The following ZNF804B variants were observed in gnomAD, a reference collection of about 807,000 sequenced individuals.
ZNF804B encodes zinc finger 804B.
In ZNF804B, 80 loss-of-function variants were observed where a neutral mutation model predicts 101.4. That is an observed-to-expected ratio of 0.79 (90% CI 0.66 to 0.95). The LOEUF (loss-of-function observed/expected upper bound fraction) is 0.95, where lower values mean the gene tolerates loss of function less well. Ranked by LOEUF, ZNF804B falls within the 40% of genes least tolerant of loss-of-function variation. The pLI, the probability that ZNF804B is intolerant of heterozygous loss-of-function variation, is 0.00. For missense variants in ZNF804B, 1,673 were observed against 1,561.9 expected (o/e 1.07, Z -1.20); for synonymous variants, 622 against 558.8 (o/e 1.11, Z -1.59).
intron 2 of ZNF804B, among the ~76,000 whole-genome samples, chr7:89,267,145 A>T (rs1789809005): frequency 6.6e-6 from 1 of 152,036 alleles, no homozygotes; most frequent in Non-Finnish European, 1.5e-5. Context: ...TCATTTGTTG[A>T]TATTGATCCT....
intron 1 of ZNF804B, among the ~76,000 whole-genome samples, chr7:89,028,747 G>A (rs1788786394): frequency 6.6e-6 from 1 of 152,056 alleles, no homozygotes; most frequent in Non-Finnish European, 1.5e-5. Flanking sequence ...TTGTTCTTCA[G>A]CTTCCTTACT....
chr7:88,945,072 T>C (rs942108879), intron 1 of ZNF804B, among the ~76,000 whole-genome samples: 3 of 151,852 alleles, frequency 2.0e-5, no homozygotes, highest in African/African-American at 7.2e-5. Flanking sequence ...TTCTTTTCCT[T>C]TGTGGAAGCT....
chr7:89,286,163 T>C (rs1433133430), intron 2 of ZNF804B, among the ~76,000 whole-genome samples: 1 of 152,190 alleles, frequency 6.6e-6, no homozygotes, highest in Non-Finnish European at 1.5e-5. Context: ...CTGCTTGTCC[T>C]CAAATACAGT....
Position 88,794,593 on chromosome 7 carries a change from T to C in ZNF804B, c.108+34509T>C, listed in dbSNP as rs775402208. Reference sequence around the variant, plus strand: ...AAAAAATACTGTTTCATCTTTGACATGGCCAATATAATCTAAAAGAACTTT... The same window carrying C: ...AAAAAATACTGTTTCATCTTTGACACGGCCAATATAATCTAAAAGAACTTT... On this transcript the variant is annotated intron_variant, in intron 1 of 3. Coordinates refer to ENST00000333190, the MANE Select transcript of ZNF804B (RefSeq NM_181646.5). 5.0e-6 allele frequency: 8 copies of C among 1,613,526 alleles called. No individual in the cohort carries two copies. The African/African-American group carries it at 8.0e-5, about 16-fold the overall frequency.
chr7:89,196,783 A>C (rs1234214971), intron 1 of ZNF804B, among the ~76,000 whole-genome samples: 2 of 151,064 alleles, frequency 1.3e-5, no homozygotes, highest in Admixed American at 6.6e-5. Flanking sequence ...AACAGGAAAA[A>C]AACCCTATTA....
chr7:89,209,694 T>C (rs956630214), intron 1 of ZNF804B, among the ~76,000 whole-genome samples: 1 of 152,238 alleles, frequency 6.6e-6, no homozygotes, highest in African/African-American at 2.4e-5. Context: ...TGAATTGTGT[T>C]GCCAGGGTAG....
At chr7:89,221,257 C>T (rs145695957) in intron 2 of ZNF804B, among the ~76,000 whole-genome samples, 2,428 of 151,900 alleles carry the variant, frequency 0.016, 53 homozygotes, top group African/African-American at 0.055. Flanking sequence ...AGATAGATTA[C>T]GTCTGTAAAG....
intron 1 of ZNF804B, among the ~76,000 whole-genome samples, chr7:89,018,560 C>T (rs533882601): frequency 3.4e-4 from 52 of 152,040 alleles, no homozygotes; most frequent in African/African-American, 1.2e-3. Context: ...AGAATTCCTT[C>T]CCCTTCAATT....
chr7:89,290,210 A>G (rs540020395), intron 2 of ZNF804B, among the ~76,000 whole-genome samples: 2 of 152,306 alleles, frequency 1.3e-5, no homozygotes, highest in South Asian at 4.1e-4. Flanking sequence ...AACAGGCAGC[A>G]ATACCCAGTT....
intron 1 of ZNF804B, among the ~76,000 whole-genome samples, chr7:88,990,120 T>A (rs1304956004): frequency 2.0e-5 from 3 of 151,858 alleles, no homozygotes; most frequent in Non-Finnish European, 4.4e-5. Flanking sequence ...GATGATACTA[T>A]GTATATAATT....
At chr7:88,964,660 A>G (rs537817549) in intron 1 of ZNF804B, among the ~76,000 whole-genome samples, 7 of 151,636 alleles carry the variant, frequency 4.6e-5, no homozygotes, top group African/African-American at 1.4e-4. Flanking sequence ...AAACTTAACA[A>G]CAGTTAAATG....
chr7:88,978,945 T>A (rs1292669716), intron 1 of ZNF804B, among the ~76,000 whole-genome samples: 2 of 151,808 alleles, frequency 1.3e-5, no homozygotes, highest in African/African-American at 4.8e-5. Context: ...CATTGTGGGT[T>A]TTAAATTTGA....
chr7:89,287,044 T>G (rs932551590), intron 2 of ZNF804B, among the ~76,000 whole-genome samples: 4 of 152,154 alleles, frequency 2.6e-5, no homozygotes, highest in African/African-American at 4.8e-5. Context: ...TTTATGGTGA[T>G]CCACTTCCAC....
intron 2 of ZNF804B, among the ~76,000 whole-genome samples, chr7:89,284,515 C>T (rs1420194947): frequency 6.6e-6 from 1 of 152,122 alleles, no homozygotes; most frequent in Non-Finnish European, 1.5e-5. Context: ...TAAATGAACA[C>T]AGCATAAGGA....
intron 2 of ZNF804B, among the ~76,000 whole-genome samples, chr7:89,280,670 T>C (rs1371077200): frequency 6.6e-6 from 1 of 152,128 alleles, no homozygotes; most frequent in Non-Finnish European, 1.5e-5. Context: ...ATGGATAAAT[T>C]CCTCGACACA....
At chr7:89,282,349 A>G (rs1366461907) in intron 2 of ZNF804B, among the ~76,000 whole-genome samples, 1 of 152,180 alleles carries the variant, frequency 6.6e-6, no homozygotes, top group Non-Finnish European at 1.5e-5. Flanking sequence ...TCATCAACAC[A>G]GAGAGGCTAA....
chr7:89,264,084 C>T (rs1562931049), intron 2 of ZNF804B, among the ~76,000 whole-genome samples: 2 of 152,130 alleles, frequency 1.3e-5, no homozygotes, highest in African/African-American at 2.4e-5. Context: ...CACTTACAAA[C>T]ATGTTTATAT....
chr7:88,877,043 ATATATATTTTTT>A (rs1791960435), intron 1 of ZNF804B, among the ~76,000 whole-genome samples: 1 of 41,810 alleles, frequency 2.4e-5, no homozygotes, highest in Admixed American at 2.9e-4. Flanking sequence ...ATATATATAT[ATATATATTTTTT>A]TTTTTTTTTT....
At chr7:88,878,120 T>C (rs1254210086) in intron 1 of ZNF804B, among the ~76,000 whole-genome samples, 1 of 152,212 alleles carries the variant, frequency 6.6e-6, no homozygotes, top group Non-Finnish European at 1.5e-5. Context: ...GCTTAGATAA[T>C]ACTTCTAACT....
Sources: allele counts gnomAD v4.1 joint callset (sites outside exome capture counted in the v4.1 genomes callset), GRCh38; gene constraint gnomAD v4.1.1; transcripts MANE v1.5; gene names NCBI Gene and HGNC (gene_info 2026-07-23, HGNC 2026-07-21).